ATP2B4: variants seen among roughly 807,000 people sequenced by gnomAD.
ATP2B4 encodes ATPase plasma membrane Ca2+ transporting 4.
A neutral mutation model predicts 110.3 loss-of-function variants in ATP2B4; 39 were observed. The ratio of observed to expected loss-of-function variants is 0.35; its 90% CI spans 0.27 to 0.46. ATP2B4 has a LOEUF of 0.46. ATP2B4 is among the 20% of genes least tolerant of loss of function. The probability of loss-of-function intolerance (pLI) is 1.00; values close to 1 mark genes in which losing one functional copy is unlikely to be tolerated. For synonymous variants in ATP2B4, 538 were observed against 571.7 expected, an observed-to-expected ratio of 0.94 and a Z score of 0.84; for missense variants, 1,135 against 1,530.9, an observed-to-expected ratio of 0.74 and a Z score of 4.32.
chr1:203,687,470 G>A (rs1665232302), intron 2 of ATP2B4, among the ~76,000 whole-genome samples: 1 of 152,154 alleles, frequency 6.6e-6, no homozygotes, highest in African/African-American at 2.4e-5. Flanking sequence ...GACAGCCTAG[G>A]AGAATTTTGT....
chr1:203,658,434 G>A (rs1032353461), intron 1 of ATP2B4, among the ~76,000 whole-genome samples: 2 of 151,734 alleles, frequency 1.3e-5, no homozygotes, highest in African/African-American at 4.8e-5. Context: ...GGGAGACTGA[G>A]GTGGGAGGAT....
chr1:203,631,469 G>A (rs1242428046), intron 1 of ATP2B4, among the ~76,000 whole-genome samples: 1 of 152,182 alleles, frequency 6.6e-6, no homozygotes, highest in Non-Finnish European at 1.5e-5. Context: ...TTTATTGGTA[G>A]GAAGGTCAGG....
chr1:203,724,277 G>A (rs1666437020), intron 19 of ATP2B4, among the ~76,000 whole-genome samples: 1 of 152,076 alleles, frequency 6.6e-6, no homozygotes, highest in African/African-American at 2.4e-5. Context: ...CAGCACTTTG[G>A]GAGGCCGAGG....
chr1:203,684,678 TAAAAA>T (rs1665127145), intron 2 of ATP2B4, among the ~76,000 whole-genome samples: 2 of 149,750 alleles, frequency 1.3e-5, no homozygotes, highest in Admixed American at 1.3e-4. Flanking sequence ...CTATTTTAAA[TAAAAA>T]GAAAAAAAAA....
chr1:203,728,600 G>A (rs1034636880), intron 20 of ATP2B4, among the ~76,000 whole-genome samples: 29 of 152,212 alleles, frequency 1.9e-4, no homozygotes, highest in African/African-American at 7.0e-4. Flanking sequence ...GCTCACGCCT[G>A]TAATCCCAGC....
intron 15 of ATP2B4, among the ~76,000 whole-genome samples, chr1:203,719,226 A>AAG (rs1666247320): frequency 8.7e-6 from 1 of 115,352 alleles, no homozygotes; most frequent in African/African-American, 4.1e-5. Context: ...CCCTGTCTCG[A>AAG]AAAAAAAAAA....
intron 15 of ATP2B4, among the ~76,000 whole-genome samples, chr1:203,718,956 C>T (rs567567529): frequency 1.3e-5 from 2 of 152,108 alleles, no homozygotes; most frequent in South Asian, 2.1e-4. Flanking sequence ...TGTGGTGGCT[C>T]ACACCCGTAA....
At chr1:203,660,353 C>T (rs1487340600) in intron 1 of ATP2B4, among the ~76,000 whole-genome samples, 1 of 152,166 alleles carries the variant, frequency 6.6e-6, no homozygotes, top group Admixed American at 6.5e-5. Flanking sequence ...AAATAGCTAT[C>T]ACAAAAGGTA....
Position 203,707,026 on chromosome 1 carries a change from C to G in ATP2B4, c.1117C>G (p.Leu373Val), listed in dbSNP as rs755555064. 1 of 1,613,910 alleles carries G rather than the reference C, an allele frequency of 6.2e-7. No homozygotes were observed. The highest frequency in any genetic ancestry group is 1.1e-5 in the South Asian group (1 of 91,004). The change falls in exon 9 of 21, where the codon CTC becomes GTC. Residue 373 changes from leucine to valine, a missense_variant. Leu to Val is a conservative substitution (Grantham distance 32, BLOSUM62 1). Around this residue, in one of 9 missense-constraint regions of ATP2B4, gnomAD observed 162 missense variants for 210.5 expected, o/e 0.77. Transcript: ENST00000357681. Reference protein sequence around the residue: ...IGKAGLLMSALTVFILILYFV... With the variant: ...IGKAGLLMSAVTVFILILYFV... Reference sequence around the variant, plus strand: ...CTGGACAGGTCTGCTCATGTCTGCTCTCACGGTTTTCATCCTGATTCTATA... The same window carrying G: ...CTGGACAGGTCTGCTCATGTCTGCTGTCACGGTTTTCATCCTGATTCTATA...
At chr1:203,696,658 AC>A (rs1434639006) in intron 2 of ATP2B4, among the ~76,000 whole-genome samples, 2 of 152,160 alleles carry the variant, frequency 1.3e-5, no homozygotes, top group African/African-American at 4.8e-5. Context: ...CCACCTGGGG[AC>A]CCATGAAAGG....
At chr1:203,730,150 A>G (rs1490668200) in intron 20 of ATP2B4, among the ~76,000 whole-genome samples, 2 of 151,864 alleles carry the variant, frequency 1.3e-5, no homozygotes, top group Non-Finnish European at 2.9e-5. Flanking sequence ...TTTTTTTAAA[A>G]AAAAATTTAC....
intron 1 of ATP2B4, among the ~76,000 whole-genome samples, chr1:203,633,281 G>A: frequency 6.6e-6 from 1 of 152,156 alleles, no homozygotes. Context: ...GGGAGGAGCA[G>A]GGAGGGAAAA....
intron 1 of ATP2B4, among the ~76,000 whole-genome samples, chr1:203,647,272 T>A (rs1398789398): frequency 4.0e-5 from 6 of 151,414 alleles, no homozygotes; most frequent in Non-Finnish European, 5.9e-5. Context: ...CTTAAAAAAA[T>A]AAAAAATAAA....
At position 203,743,451 on chromosome 1, in the gene ATP2B4, C is replaced by T. The variant is rs928876817; in HGVS notation, c.*3597C>T. On this transcript the variant is annotated 3_prime_UTR_variant, in exon 21 of 21. Coordinates refer to ENST00000357681, the MANE Select transcript of ATP2B4 (RefSeq NM_001684.5). Reference sequence around the variant, plus strand: ...GTTCAGTGCCAGTCCTTTTGCCTTCCCAACCCTGCTGTTAGGCCTGCTGTT... The same window carrying T: ...GTTCAGTGCCAGTCCTTTTGCCTTCTCAACCCTGCTGTTAGGCCTGCTGTT... 6.5e-6 allele frequency: 1 copy of T among 152,678 alleles called. No individual in the cohort carries two copies. Among genetic ancestry groups the T allele is most frequent in the African/African-American group, 2.4e-5 (1 of 41,432 alleles). The allele number at this position is 152,678 out of a possible 1,614,324, so 9.5% of individuals were successfully genotyped here.
chr1:203,700,389 G>A (rs1404786912), intron 5 of ATP2B4, 58 bp downstream of exon 5: 1 of 1,570,242 alleles, frequency 6.4e-7, no homozygotes, highest in Non-Finnish European at 8.6e-7. Context: ...CTAGGCCACA[G>A]GATCCAGACC....
At chr1:203,712,374 C>T (rs1352182370) in intron 13 of ATP2B4, among the ~76,000 whole-genome samples, 33 of 152,194 alleles carry the variant, frequency 2.2e-4, no homozygotes, top group East Asian at 5.8e-4. Context: ...GGGTGGATCA[C>T]AAGGTCAAGA....
chr1:203,726,426 T>A (rs1400884172), intron 19 of ATP2B4, among the ~76,000 whole-genome samples: 1 of 30,142 alleles, frequency 3.3e-5, no homozygotes, highest in African/African-American at 1.5e-4. Flanking sequence ...TGAAGATTTC[T>A]TTTTTTTTTT....
intron 2 of ATP2B4, among the ~76,000 whole-genome samples, chr1:203,694,355 G>A (rs1030170257): frequency 3.3e-5 from 5 of 152,186 alleles, no homozygotes; most frequent in Non-Finnish European, 7.3e-5. Context: ...AAATGATTGA[G>A]CAGGATGAGG....
chr1:203,634,223 ATC>A (rs1473592918), intron 1 of ATP2B4, among the ~76,000 whole-genome samples: 1 of 152,210 alleles, frequency 6.6e-6, no homozygotes. Flanking sequence ...AACATTTAAA[ATC>A]TCTCTTAGCA....
Sources: gnomAD v4.1 joint callset for allele counts (sites outside exome capture counted in the v4.1 genomes callset) on GRCh38, gnomAD v4.1.1 for gene constraint, gnomAD v4.1.1 regional missense constraint, MANE v1.5 for transcripts, NCBI Gene and HGNC (gene_info 2026-07-23, HGNC 2026-07-21) for gene names.